MARK3: variants seen among roughly 807,000 people sequenced by gnomAD.
MARK3 encodes the protein MAP/microtubule affinity-regulating kinase 3.
Under a neutral mutation model 90.1 loss-of-function variants are expected in MARK3, and 46 were observed. The ratio of observed to expected loss-of-function variants is 0.51; its 90% CI spans 0.40 to 0.65. The LOEUF is 0.65. Ranked by LOEUF, MARK3 falls within the 30% of genes least tolerant of loss-of-function variation. The pLI, the probability that MARK3 is intolerant of heterozygous loss-of-function variation, is 0.00. For missense variants in MARK3, 818 were observed against 947.2 expected (o/e 0.86, Z 1.79); for synonymous variants, 321 against 332.6 (o/e 0.97, Z 0.38).
At chr14:103,473,698 C>T (rs1490916582) in intron 12 of MARK3, among the ~76,000 whole-genome samples, 1 of 152,104 alleles carries the variant, frequency 6.6e-6, no homozygotes. Context: ...ACTAACTCCT[C>T]CCCACTCCCG....
chr14:103,454,505 C>T (rs74659727), intron 5 of MARK3, among the ~76,000 whole-genome samples: 43,004 of 152,052 alleles, frequency 0.28, 7,248 homozygotes, highest in Non-Finnish European at 0.36. Flanking sequence ...CTGCCTTGGC[C>T]TCCCAAATTG....
chr14:103,386,127 C>T, intron 1 of MARK3, 47 bp downstream of exon 1: 1 of 1,569,214 alleles, frequency 6.4e-7, no homozygotes, highest in Non-Finnish European at 8.8e-7. Context: ...GGGTGGCATT[C>T]GTGCTCCTCG....
At chr14:103,493,845 A>C (rs2075155567) in intron 15 of MARK3, among the ~76,000 whole-genome samples, 2 of 144,974 alleles carry the variant, frequency 1.4e-5, no homozygotes, top group South Asian at 4.6e-4. Context: ...ACTGCACTCT[A>C]GTCTGGGTGA....
chr14:103,473,712 T>A (rs368531442), intron 12 of MARK3, among the ~76,000 whole-genome samples: 1 of 152,086 alleles, frequency 6.6e-6, no homozygotes. Context: ...ACTCCCGGTT[T>A]TTGTTTGTTT....
chr14:103,472,459 C>G (rs1007728792), intron 12 of MARK3, among the ~76,000 whole-genome samples: 1 of 150,154 alleles, frequency 6.7e-6, no homozygotes, highest in Admixed American at 6.6e-5. Flanking sequence ...CTGGCTAACA[C>G]GGTGAAACCC....
At chr14:103,459,960 G>GT (rs2093361753) in intron 6 of MARK3, among the ~76,000 whole-genome samples, 1 of 150,522 alleles carries the variant, frequency 6.6e-6, no homozygotes, top group Admixed American at 6.6e-5. Flanking sequence ...CACCAGATGG[G>GT]TTTTCCCCTT....
At chr14:103,500,283 C>G (rs2075588966) in intron 17 of MARK3, 83 bp downstream of exon 17, 4 of 1,026,802 alleles carry the variant, frequency 3.9e-6, no homozygotes, top group Non-Finnish European at 4.3e-6. Flanking sequence ...TCTGAATGTT[C>G]CCTACTGTAT....
chr14:103,404,679 T>A (rs2091170600), intron 1 of MARK3, among the ~76,000 whole-genome samples: 1 of 152,210 alleles, frequency 6.6e-6, no homozygotes, highest in Non-Finnish European at 1.5e-5. Flanking sequence ...GTTATGTGGC[T>A]GTATCCTTAT....
chr14:103,424,205 G>C (rs565505527), intron 2 of MARK3, among the ~76,000 whole-genome samples: 1 of 151,010 alleles, frequency 6.6e-6, no homozygotes, highest in South Asian at 2.1e-4. Context: ...GCGAGACCCT[G>C]TCTCAAGAGA....
chr14:103,456,847 CTGTTTTAAT>C (rs2093288580), intron 5 of MARK3, among the ~76,000 whole-genome samples: 1 of 152,178 alleles, frequency 6.6e-6, no homozygotes, highest in Non-Finnish European at 1.5e-5. Flanking sequence ...TTTTAATTTT[CTGTTTTAAT>C]TGCTTAGTTT....
At chr14:103,409,181 CTTTCTCAG>C (rs941181434) in intron 2 of MARK3, among the ~76,000 whole-genome samples, 1 of 151,766 alleles carries the variant, frequency 6.6e-6, no homozygotes, top group Non-Finnish European at 1.5e-5. Flanking sequence ...AATTTAAAAA[CTTTCTCAG>C]TTTCTCAGTT....
intron 14 of MARK3, chr14:103,490,996 G>A (rs1479859461): frequency 1.6e-6 from 2 of 1,287,814 alleles, no homozygotes; most frequent in Middle Eastern, 2.1e-4. Context: ...GCCTCAGTTT[G>A]TACATCTACC....
At chr14:103,465,925 C>T in intron 8 of MARK3, 47 bp from the exon 9 acceptor site, 1 of 1,593,394 alleles carries the variant, frequency 6.3e-7, no homozygotes, top group Non-Finnish European at 8.5e-7. Context: ...GTTAACTAAA[C>T]CTAAAGGTTG....
intron 14 of MARK3, chr14:103,490,962 A>G: frequency 7.8e-7 from 1 of 1,274,596 alleles, no homozygotes; most frequent in Non-Finnish European, 1.0e-6. Context: ...CCTGACAGAA[A>G]TGTTCGCTTA....
At chr14:103,397,058 T>C (rs1438932644) in intron 1 of MARK3, among the ~76,000 whole-genome samples, 1 of 152,206 alleles carries the variant, frequency 6.6e-6, no homozygotes, top group African/African-American at 2.4e-5. Flanking sequence ...GTATTAAATA[T>C]GTTTCTTTTT....
intron 2 of MARK3, chr14:103,412,568 G>A: frequency 1.5e-6 from 1 of 665,894 alleles, no homozygotes; most frequent in Non-Finnish European, 2.7e-6. Flanking sequence ...GTTCCCCCAG[G>A]ACCCACACTT....
Position 103,448,875 on chromosome 14 carries a change from CTTGTG to C in MARK3, c.298-40_298-36del, listed in dbSNP as rs139960864. On this transcript the variant is annotated intron_variant, in intron 3 of 17. Transcript: ENST00000429436. ...AACAGTGGAATATAATGTTTAATAA[CTTGTG>C]TTGGGGGGATTATGTGTTTTGTTTG... 3,484 of 1,238,668 alleles carry C rather than the reference CTTGTG, an allele frequency of 2.8e-3. 19 individuals carry two copies. Among genetic ancestry groups the C allele is most frequent in the African/African-American group, 0.012 (727 of 61,246 alleles). 76.7% of individuals were successfully genotyped at this position (1,238,668 alleles called of 1,614,324 possible). A position where few individuals can be genotyped will look rare whatever the true frequency, so the allele number is the denominator to read the frequency against.
chr14:103,473,151 G>T (rs553872701), intron 12 of MARK3, among the ~76,000 whole-genome samples: 1 of 152,326 alleles, frequency 6.6e-6, no homozygotes, highest in East Asian at 1.9e-4. Flanking sequence ...TCTAGAGATG[G>T]CGAGCAGGTT....
intron 12 of MARK3, among the ~76,000 whole-genome samples, chr14:103,472,762 CTT>C (rs1555397158): frequency 6.6e-6 from 1 of 151,998 alleles, no homozygotes; most frequent in Non-Finnish European, 1.5e-5. Context: ...AATCCCAACA[CTT>C]TGAGAGGCCG....
Sources: allele counts gnomAD v4.1 joint callset (sites outside exome capture counted in the v4.1 genomes callset), GRCh38; gene constraint gnomAD v4.1.1; transcripts MANE v1.5; gene names NCBI Gene and HGNC (gene_info 2026-07-23, HGNC 2026-07-21).